PPARG: variants seen among roughly 807,000 people sequenced by gnomAD.
The protein encoded by PPARG is peroxisome proliferator activated receptor gamma, also known as peroxisome proliferator-activated receptor gamma.
A neutral mutation model predicts 39.2 loss-of-function variants in PPARG; 17 were observed. The ratio of observed to expected loss-of-function variants is 0.43; its 90% CI spans 0.30 to 0.65. PPARG has a LOEUF of 0.65. Among genes scored for constraint, PPARG ranks in the 30% least tolerant of loss-of-function variants. The pLI is 0.13. For synonymous variants in PPARG, 223 were observed against 215.7 expected, an observed-to-expected ratio of 1.03 and a Z score of -0.30; for missense variants, 406 against 585.9, an observed-to-expected ratio of 0.69 and a Z score of 3.17.
intron 2 of PPARG, chr3:12,328,189 TAG>T (rs1181910428): frequency 7.2e-7 from 1 of 1,390,510 alleles, no homozygotes; most frequent in Non-Finnish European, 1.0e-6. Flanking sequence ...ATTAAAGAAC[TAG>T]AACAGAAAAA....
intron 2 of PPARG, among the ~76,000 whole-genome samples, chr3:12,313,251 T>C (rs928832770): frequency 6.6e-6 from 1 of 152,078 alleles, no homozygotes; most frequent in Non-Finnish European, 1.5e-5. Context: ...ATACAGAAAT[T>C]AATATAGAGA....
Position 12,405,971 on chromosome 3 carries a change from G to A in PPARG, c.619G>A (p.Ala207Thr), listed in dbSNP as rs569100208. The change falls in exon 6 of 8, where the codon GCT becomes ACT. Residue 207 changes from alanine to threonine, a missense_variant. By Grantham distance (58) the Ala-to-Thr change is moderately conservative. Around this residue, in one of 2 missense-constraint regions of PPARG, gnomAD observed 275 missense variants for 458.0 expected, o/e 0.60. Transcript: ENST00000651735. ...TATCGACCAGCTGAATCCAGAGTCC[G>A]CTGACCTCCGGGCCCTGGCAAAACA... is the stretch of plus-strand genomic sequence containing the variant. ...SDIDQLNPES[A>T]DLRALAKHLY... is the part of the protein sequence containing the mutation. The A allele has an allele frequency of 1.5e-5, 25 of 1,613,978 alleles. No individual in the cohort carries two copies. The highest frequency in any genetic ancestry group is 1.9e-5 in the Non-Finnish European group (22 of 1,180,022).
At chr3:12,355,200 T>C (rs900284793) in intron 2 of PPARG, among the ~76,000 whole-genome samples, 2 of 152,098 alleles carry the variant, frequency 1.3e-5, no homozygotes, top group African/African-American at 2.4e-5. Flanking sequence ...AGGCCTGATA[T>C]CATATTTCAC....
chr3:12,363,517 C>G (rs778785847), intron 2 of PPARG, among the ~76,000 whole-genome samples: 12 of 152,144 alleles, frequency 7.9e-5, no homozygotes, highest in Non-Finnish European at 1.5e-4. Context: ...CTAAACAACT[C>G]TGAGTAAGAA....
At chr3:12,376,826 A>G (rs2049429933) in intron 2 of PPARG, among the ~76,000 whole-genome samples, 1 of 152,178 alleles carries the variant, frequency 6.6e-6, no homozygotes, top group South Asian at 2.1e-4. Context: ...ACCTACTATG[A>G]GACAAGCCCT....
At chr3:12,418,234 G>A (rs922981614) in intron 7 of PPARG, among the ~76,000 whole-genome samples, 23 of 152,028 alleles carry the variant, frequency 1.5e-4, no homozygotes, top group Admixed American at 2.6e-4. Flanking sequence ...CTCCCAAAGC[G>A]CTGGGATTAT....
intron 7 of PPARG, among the ~76,000 whole-genome samples, chr3:12,433,309 G>A (rs541869472): frequency 7.9e-5 from 12 of 152,188 alleles, no homozygotes; most frequent in East Asian, 3.9e-4. Flanking sequence ...AGGCCAAGGC[G>A]GGTGGATCAC....
chr3:12,329,942 A>T (rs758513845), intron 2 of PPARG, among the ~76,000 whole-genome samples: 1 of 152,226 alleles, frequency 6.6e-6, no homozygotes, highest in Non-Finnish European at 1.5e-5. Flanking sequence ...TTCAAGGTGC[A>T]TCCATGTTGT....
chr3:12,330,256 A>G (rs2125045048), intron 2 of PPARG, among the ~76,000 whole-genome samples: 1 of 150,206 alleles, frequency 6.7e-6, no homozygotes, highest in Admixed American at 6.7e-5. Context: ...TCCCACTGCA[A>G]TATATATGGG....
chr3:12,335,723 G>A (rs1439467634), intron 2 of PPARG, among the ~76,000 whole-genome samples: 1 of 151,966 alleles, frequency 6.6e-6, no homozygotes, highest in Non-Finnish European at 1.5e-5. Flanking sequence ...AAGAAGAAAA[G>A]CAAAGCAAAG....
intron 4 of PPARG, among the ~76,000 whole-genome samples, chr3:12,388,977 A>G (rs1262706039): frequency 6.6e-6 from 1 of 152,184 alleles, no homozygotes; most frequent in Non-Finnish European, 1.5e-5. Flanking sequence ...AATTACCAGA[A>G]TGAAAGCAAC....
At chr3:12,380,008 A>G (rs2049583736) in intron 3 of PPARG, 77 bp downstream of exon 3, 1 of 1,236,160 alleles carries the variant, frequency 8.1e-7, no homozygotes, top group Non-Finnish European at 1.2e-6. Context: ...GTAATAAATA[A>G]TGCTCCAGAG....
At chr3:12,288,461 AC>A (rs1018666901), upstream of PPARG, among the ~76,000 whole-genome samples, 6 of 151,792 alleles carry the variant, frequency 4.0e-5, no homozygotes, top group African/African-American at 1.2e-4. Flanking sequence ...AGCCGGGGAC[AC>A]GGGGACCTCC....
chr3:12,335,411 C>A (rs1288142871), intron 2 of PPARG, among the ~76,000 whole-genome samples: 2 of 152,112 alleles, frequency 1.3e-5, no homozygotes. Context: ...CAGTTTTGAC[C>A]ATTTAAAAAT....
intron 2 of PPARG, among the ~76,000 whole-genome samples, chr3:12,324,741 T>G (rs1263851917): frequency 6.6e-6 from 1 of 152,206 alleles, no homozygotes; most frequent in Non-Finnish European, 1.5e-5. Flanking sequence ...AGTTAATATC[T>G]TCATAGGTAC....
chr3:12,307,801 G>A (rs947551166), intron 1 of PPARG, among the ~76,000 whole-genome samples: 9 of 152,182 alleles, frequency 5.9e-5, no homozygotes, highest in Admixed American at 2.6e-4. Context: ...AAAGACCCCG[G>A]TAAAGAAAGG....
intron 5 of PPARG, among the ~76,000 whole-genome samples, chr3:12,398,343 T>G (rs965015374): frequency 6.6e-6 from 1 of 151,942 alleles, no homozygotes; most frequent in Non-Finnish European, 1.5e-5. Flanking sequence ...GGGAGAGAAG[T>G]TGTCAAAGAT....
chr3:12,373,928 T>C (rs565477162), intron 2 of PPARG, among the ~76,000 whole-genome samples: 7 of 151,280 alleles, frequency 4.6e-5, no homozygotes, highest in South Asian at 2.1e-4. Flanking sequence ...AGGTGAGGAG[T>C]AGGAAGAAGA....
At chr3:12,365,447 A>G (rs753795378) in intron 2 of PPARG, among the ~76,000 whole-genome samples, 8 of 152,136 alleles carry the variant, frequency 5.3e-5, no homozygotes, top group South Asian at 2.1e-4. Context: ...AAAAAGTCCT[A>G]TCCGTGCTCA....
Sources: gnomAD v4.1 joint callset for allele counts (sites outside exome capture counted in the v4.1 genomes callset) on GRCh38, gnomAD v4.1.1 for gene constraint, gnomAD v4.1.1 regional missense constraint, MANE v1.5 for transcripts, NCBI Gene and HGNC (gene_info 2026-07-23, HGNC 2026-07-21) for gene names.